Variants in SDHB observed in about 807,000 individuals in gnomAD.
The protein encoded by SDHB is succinate dehydrogenase [ubiquinone] iron-sulfur subunit, mitochondrial.
Under a neutral mutation model 39.7 loss-of-function variants are expected in SDHB, and 21 were observed. The ratio of observed to expected loss-of-function variants is 0.53; its 90% confidence interval spans 0.37 to 0.76. SDHB has a LOEUF of 0.76. Among genes scored for constraint, SDHB ranks in the 30% least tolerant of loss-of-function variants. SDHB has a pLI of 0.00. For missense variants in SDHB, 343 were observed against 350.9 expected (o/e 0.98, Z 0.18); for synonymous variants, 118 against 117.0 (o/e 1.01, Z -0.06).
intron 7 of SDHB, among the ~76,000 whole-genome samples, chr1:17,021,926 C>T (rs1362473114): frequency 6.6e-6 from 1 of 152,220 alleles, no homozygotes; most frequent in Non-Finnish European, 1.5e-5. Context: ...TACCACAAAA[C>T]AGACTGAGAC....
intron 2 of SDHB, among the ~76,000 whole-genome samples, chr1:17,038,646 G>T (rs1308562218): frequency 1.3e-5 from 2 of 152,224 alleles, no homozygotes; most frequent in East Asian, 3.9e-4. Flanking sequence ...CTGATCTTAT[G>T]GGGAAAGTGT....
chr1:17,048,774 G>A (rs1259854353), intron 1 of SDHB, among the ~76,000 whole-genome samples: 4 of 151,418 alleles, frequency 2.6e-5, no homozygotes, highest in South Asian at 2.1e-4. Context: ...ACAATGGCGC[G>A]ATCTCGGCTC....
At position 17,054,031 on chromosome 1, in the gene SDHB, AC is replaced by A. The variant is rs780678661; in HGVS notation, c.-13del. ...ACCACCGCCGCCATCTTGGCTCCTG[AC>A]GTCAGCCCCACCCCTTAACCCCGAG... On this transcript the variant is annotated 5_prime_UTR_variant, in exon 1 of 8. Transcript: ENST00000375499. 66 of 1,603,930 alleles carry A rather than the reference AC, an allele frequency of 4.1e-5. No individual in the cohort carries two copies. The highest frequency in any genetic ancestry group is 5.5e-5 in the Non-Finnish European group (65 of 1,173,072).
At chr1:17,030,153 C>T (rs1016802264) in intron 3 of SDHB, among the ~76,000 whole-genome samples, 7 of 152,078 alleles carry the variant, frequency 4.6e-5, no homozygotes, top group African/African-American at 1.7e-4. Context: ...CGCGCCACTG[C>T]ACTCCAGCCT....
At position 17,044,810 on chromosome 1, in the gene SDHB, T is replaced by C; in HGVS notation, c.151A>G (p.Lys51Glu). The C allele has an allele frequency of 6.2e-7, 1 of 1,614,146 alleles. No homozygotes were observed. The highest frequency in any genetic ancestry group is 8.5e-7 in the Non-Finnish European group (1 of 1,179,984). ...TGCATATGAGGTTTGTCTCCAGCCT[T>C]GTCTGGGTCCCATCGATAGATGGCA... Reference protein sequence around the residue: ...KFAIYRWDPDKAGDKPHMQTY... With the variant: ...KFAIYRWDPDEAGDKPHMQTY... The change falls in exon 2 of 8, where the codon AAG becomes GAG. Residue 51 changes from lysine to glutamate, a missense_variant. Physicochemically the swap from Lys to Glu is moderately conservative, Grantham distance 56. Coordinates refer to ENST00000375499, the MANE Select transcript of SDHB (RefSeq NM_003000.3).
Position 17,053,944 on chromosome 1 carries a change from T to C in SDHB, c.72+4A>G, listed in dbSNP as rs1228108598. 6.2e-7 allele frequency: 1 copy of C among 1,611,304 alleles called. No individual in the cohort carries two copies. ...TTTTCCCTCTCTGAGGCTCCAGGAC[T>C]CACCTGCAGGCAGGCTCCGCCAAGG... On this transcript the variant is annotated splice_donor_region_variant and intron_variant, in intron 1 of 7. Transcript: ENST00000375499.
chr1:17,037,952 C>A (rs1355017679), intron 2 of SDHB, among the ~76,000 whole-genome samples: 1 of 152,164 alleles, frequency 6.6e-6, no homozygotes, highest in African/African-American at 2.4e-5. Flanking sequence ...GCCTGACCAA[C>A]ACGCAGAAAC....
intron 1 of SDHB, among the ~76,000 whole-genome samples, chr1:17,049,403 T>G (rs2078132225): frequency 3.9e-5 from 6 of 151,918 alleles, no homozygotes; most frequent in Admixed American, 3.3e-4. Context: ...GCTCATGCAA[T>G]TCTCCTGTCT....
At chr1:17,052,176 G>C (rs550795958) in intron 1 of SDHB, 1 of 152,142 alleles carries the variant, frequency 6.6e-6, no homozygotes, top group African/African-American at 2.4e-5. Context: ...GGTAGTTCTT[G>C]TCCTAAAGGA....
chr1:17,040,516 A>T (rs984732494), intron 2 of SDHB, among the ~76,000 whole-genome samples: 2 of 152,192 alleles, frequency 1.3e-5, no homozygotes, highest in Non-Finnish European at 2.9e-5. Flanking sequence ...GTACAGTGGC[A>T]CAATTATAGC....
intron 2 of SDHB, among the ~76,000 whole-genome samples, chr1:17,038,140 C>CA (rs879536312): frequency 1.2e-3 from 174 of 144,394 alleles, no homozygotes; most frequent in African/African-American, 3.5e-3. Flanking sequence ...AACTCTGTCT[C>CA]AAAAAAAAAA....
At chr1:17,043,391 A>C (rs555134451) in intron 2 of SDHB, among the ~76,000 whole-genome samples, 1 of 152,264 alleles carries the variant, frequency 6.6e-6, no homozygotes, top group South Asian at 2.1e-4. Flanking sequence ...TGTCTATTTA[A>C]GAAGGTTATA....
At chr1:17,032,954 G>GTTTTC (rs2078031309) in intron 3 of SDHB, 106 bp downstream of exon 3, 2 of 835,296 alleles carry the variant, frequency 2.4e-6, no homozygotes, top group Admixed American at 3.7e-5. Context: ...AGTTCACCCA[G>GTTTTC]CAGAGAGCTG....
intron 2 of SDHB, among the ~76,000 whole-genome samples, chr1:17,034,198 G>C (rs2078037770): frequency 6.6e-6 from 1 of 151,832 alleles, no homozygotes; most frequent in Non-Finnish European, 1.5e-5. Flanking sequence ...TACCCAGGCT[G>C]GAGTGCAGTG....
chr1:17,026,997 C>T (rs1570947368), intron 5 of SDHB, among the ~76,000 whole-genome samples: 1 of 152,068 alleles, frequency 6.6e-6, no homozygotes, highest in Admixed American at 6.6e-5. Flanking sequence ...AAATAACATG[C>T]GCCAGGGCCT....
chr1:17,021,880 CT>C lies in SDHB; in HGVS notation c.765+727del, dbSNP rs2077963869. Among the ~76,000 whole-genome samples the C allele has an allele frequency of 5.9e-5, 9 of 152,340 alleles. No individual in the cohort carries two copies. In the South Asian group the frequency reaches 1.9e-3, roughly 32 times the overall value. On this transcript the variant is annotated intron_variant, in intron 7 of 7. Coordinates refer to ENST00000375499, the MANE Select transcript of SDHB (RefSeq NM_003000.3). ...CTAGAGCTGTGCGTCAAATAAACTT[CT>C]TTATAAAATTACCCAGTCTGAAATT...
chr1:17,044,628 A>T, intron 2 of SDHB, 133 bp downstream of exon 2: 2 of 1,124,354 alleles, frequency 1.8e-6, no homozygotes, highest in Non-Finnish European at 2.7e-6. Flanking sequence ...GCCCGGCCCA[A>T]GCTCATTCTT....
At chr1:17,047,766 C>T (rs2078121880) in intron 1 of SDHB, among the ~76,000 whole-genome samples, 2 of 152,002 alleles carry the variant, frequency 1.3e-5, no homozygotes, top group Admixed American at 1.3e-4. Flanking sequence ...CCTCAACCTT[C>T]TGGACTCAAG....
chr1:17,048,034 C>A (rs140401312), intron 1 of SDHB, among the ~76,000 whole-genome samples: 1 of 152,136 alleles, frequency 6.6e-6, no homozygotes, highest in East Asian at 1.9e-4. Context: ...CTGTAGCACA[C>A]CAGCACAACC....
Sources: allele counts gnomAD v4.1 joint callset (sites outside exome capture counted in the v4.1 genomes callset), GRCh38; gene constraint gnomAD v4.1.1; transcripts MANE v1.5; gene names NCBI Gene and HGNC (gene_info 2026-07-23, HGNC 2026-07-21).